Variants in ARHGAP19 observed in about 807,000 individuals in gnomAD.
The protein encoded by ARHGAP19 is Rho GTPase activating protein 19.
A neutral mutation model predicts 60.9 loss-of-function variants in ARHGAP19; 48 were observed. That is an observed-to-expected ratio of 0.79 (90% CI 0.62 to 1.00). ARHGAP19 has a LOEUF of 1.00. Among genes scored for constraint, ARHGAP19 ranks in the 50% least tolerant of loss-of-function variants. ARHGAP19 has a pLI of 0.00. For missense variants in ARHGAP19, 562 were observed against 597.2 expected (o/e 0.94, Z 0.61); for synonymous variants, 209 against 215.5 (o/e 0.97, Z 0.27).
intron 4 of ARHGAP19, among the ~76,000 whole-genome samples, chr10:97,261,804 G>A (rs553207822): frequency 6.6e-6 from 1 of 152,282 alleles, no homozygotes; most frequent in South Asian, 2.1e-4. Context: ...AATGGATATT[G>A]ATGCTGTGAA....
In ARHGAP19 at chr10:97,229,850, T is replaced by G; in HGVS notation, c.1309A>C (p.Met437Leu). ...IKRKVLGNQM[M>L]SEKKKKNPTP... ...GGGTTCTTCTTTTTCTTTTCTGACA[T>G]CATCTGATTTCCCAGGACCTTCCGC... Residue 437 changes from methionine to leucine, a missense_variant, in exon 10 of 12, where the codon ATG becomes CTG. Met to Leu is a conservative substitution (Grantham distance 15). Coordinates refer to ENST00000358531, the MANE Select transcript of ARHGAP19 (RefSeq NM_032900.6). 6.2e-7 allele frequency: 1 copy of G among 1,611,886 alleles called. No individual in the cohort carries two copies. The highest frequency in any genetic ancestry group is 1.1e-5 in the South Asian group (1 of 90,824).
intron 8 of ARHGAP19, among the ~76,000 whole-genome samples, chr10:97,239,106 A>G (rs1842427649): frequency 6.6e-6 from 1 of 152,236 alleles, no homozygotes; most frequent in African/African-American, 2.4e-5. Context: ...AGGTTTATGT[A>G]AGTACACTCT....
chr10:97,236,803 G>GAAAAAA (rs71007323), intron 8 of ARHGAP19, among the ~76,000 whole-genome samples: 25 of 80,022 alleles, frequency 3.1e-4, no homozygotes, highest in Admixed American at 4.9e-4. Flanking sequence ...AACAGACTCA[G>GAAAAAA]AAAAAAAAAA....
At chr10:97,252,898 A>T (rs1303828533) in intron 6 of ARHGAP19, among the ~76,000 whole-genome samples, 2 of 152,200 alleles carry the variant, frequency 1.3e-5, no homozygotes, top group African/African-American at 4.8e-5. Flanking sequence ...ATATGTAATC[A>T]ACGTAAGTGT....
chr10:97,238,208 G>A (rs1469678195), intron 8 of ARHGAP19, among the ~76,000 whole-genome samples: 1 of 151,970 alleles, frequency 6.6e-6, no homozygotes, highest in Non-Finnish European at 1.5e-5. Flanking sequence ...CAGTTTTGGA[G>A]TTTTTTTATT....
intron 1 of ARHGAP19, among the ~76,000 whole-genome samples, chr10:97,289,871 GAAAGAAAGAAAAGAA>G (rs1173795402): frequency 6.7e-6 from 1 of 149,726 alleles, no homozygotes; most frequent in African/African-American, 2.5e-5. Flanking sequence ...AAAAAAGAAA[GAAAGAAAGAAAAGAA>G]AAAGAAAAGA....
chr10:97,278,252 C>T (rs1039261503), intron 1 of ARHGAP19, among the ~76,000 whole-genome samples: 2 of 152,116 alleles, frequency 1.3e-5, no homozygotes, highest in African/African-American at 4.8e-5. Context: ...GAGCATCATC[C>T]CTGAAGGAAA....
intron 8 of ARHGAP19, among the ~76,000 whole-genome samples, chr10:97,239,556 GTGT>G (rs1842442629): frequency 1.9e-4 from 1 of 5,278 alleles, no homozygotes; most frequent in African/African-American, 3.3e-4. Flanking sequence ...GAGAGGGTGT[GTGT>G]GTGTGTGTGT....
At chr10:97,242,021 A>AT (rs1564714507) in intron 8 of ARHGAP19, among the ~76,000 whole-genome samples, 5 of 148,068 alleles carry the variant, frequency 3.4e-5, no homozygotes, top group Admixed American at 1.3e-4. Flanking sequence ...AAAAAAAAAA[A>AT]AAATAATAAT....
intron 8 of ARHGAP19, among the ~76,000 whole-genome samples, chr10:97,243,377 T>G (rs1842517594): frequency 1.3e-5 from 2 of 152,166 alleles, no homozygotes; most frequent in South Asian, 4.1e-4. Flanking sequence ...AGAACTAACT[T>G]AAACCACACT....
intron 1 of ARHGAP19, 102 bp from the exon 2 acceptor site, chr10:97,266,227 T>G: frequency 2.2e-6 from 3 of 1,392,132 alleles, no homozygotes; most frequent in Non-Finnish European, 2.9e-6. Context: ...AAGGCAGAGG[T>G]TTCCTTATAG....
intron 9 of ARHGAP19, among the ~76,000 whole-genome samples, chr10:97,231,818 T>C (rs1252407491): frequency 6.6e-6 from 1 of 152,112 alleles, no homozygotes; most frequent in East Asian, 1.9e-4. Context: ...TTTGGTTATA[T>C]ACCGGGAGTA....
At chr10:97,246,847 A>T (rs1050281138) in intron 6 of ARHGAP19, among the ~76,000 whole-genome samples, 2 of 152,030 alleles carry the variant, frequency 1.3e-5, no homozygotes, top group Non-Finnish European at 2.9e-5. Flanking sequence ...ACAAAAAATT[A>T]CTAAAAAATG....
At chr10:97,244,236 C>T (rs980306136) in intron 7 of ARHGAP19, 77 bp from the exon 8 acceptor site, 17 of 1,237,752 alleles carry the variant, frequency 1.4e-5, no homozygotes, top group Non-Finnish European at 1.7e-5. Flanking sequence ...AAACCTGGAA[C>T]AAAAAAAGGG....
chr10:97,246,447 T>TA (rs1359277078), intron 6 of ARHGAP19, 110 bp from the exon 7 acceptor site: 1 of 847,880 alleles, frequency 1.2e-6, no homozygotes, highest in Admixed American at 2.4e-5. Context: ...AGATTACTTT[T>TA]AAAAAGCCAA....
intron 3 of ARHGAP19, 38 bp from the exon 4 acceptor site, chr10:97,263,667 G>C (rs1259205017): frequency 6.4e-7 from 1 of 1,573,456 alleles, no homozygotes; most frequent in East Asian, 2.2e-5. Context: ...CAGGCAAAAA[G>C]GAAGCAGAAA....
intron 1 of ARHGAP19, among the ~76,000 whole-genome samples, chr10:97,269,975 A>C (rs1842941435): frequency 6.6e-6 from 1 of 152,232 alleles, no homozygotes; most frequent in Non-Finnish European, 1.5e-5. Flanking sequence ...AGCAACATGT[A>C]TCGTTTTTCA....
chr10:97,244,580 A>T (rs899900655), intron 7 of ARHGAP19, among the ~76,000 whole-genome samples: 3 of 152,194 alleles, frequency 2.0e-5, no homozygotes, highest in Non-Finnish European at 4.4e-5. Flanking sequence ...CCCACCTGGG[A>T]GCCCAAGGGC....
intron 1 of ARHGAP19, among the ~76,000 whole-genome samples, chr10:97,280,608 G>A (rs184576322): frequency 1.3e-5 from 2 of 151,262 alleles, no homozygotes; most frequent in East Asian, 1.9e-4. Flanking sequence ...CCCTAAGACA[G>A]GGTCTCACTC....
Sources: gnomAD v4.1 joint callset for allele counts (sites outside exome capture counted in the v4.1 genomes callset) on GRCh38, gnomAD v4.1.1 for gene constraint, MANE v1.5 for transcripts, NCBI Gene and HGNC (gene_info 2026-07-23, HGNC 2026-07-21) for gene names.